PAK5: variants seen among roughly 807,000 people sequenced by gnomAD.
The protein encoded by PAK5 is p21 (RAC1) activated kinase 5, also known as serine/threonine-protein kinase PAK 5.
PAK5 carries 16 observed loss-of-function variants against 65.9 expected under a neutral mutation model. The observed-to-expected ratio is 0.24, with a 90% CI of 0.16 to 0.37. The LOEUF is 0.37. Among genes scored for constraint, PAK5 ranks in the 10% least tolerant of loss-of-function variants. The pLI is 1.00. For synonymous variants in PAK5, 371 were observed against 354.9 expected (o/e 1.05, Z -0.51); for missense variants, 785 against 903.9 (o/e 0.87, Z 1.69).
chr20:9,809,090 T>C (rs926150718), intron 1 of PAK5, among the ~76,000 whole-genome samples: 1 of 152,146 alleles, frequency 6.6e-6, no homozygotes, highest in African/African-American at 2.4e-5. Flanking sequence ...ATGCTACTTC[T>C]GGAAGGGAGA....
chr20:9,740,916 G>T (rs1278675649), intron 1 of PAK5, among the ~76,000 whole-genome samples: 1 of 152,158 alleles, frequency 6.6e-6, no homozygotes, highest in African/African-American at 2.4e-5. Flanking sequence ...AAATGAAAGG[G>T]TTTAACTAGA....
Position 9,838,911 on chromosome 20 carries a change from G to T in PAK5, c.-311C>A, listed in dbSNP as rs1256222811. 1.3e-5 allele frequency: 2 copies of T among 152,274 alleles called. No individual in the cohort carries two copies. The allele number at this position is 152,274 out of a possible 1,614,324, so 9.4% of individuals were successfully genotyped here. A position where few individuals can be genotyped will look rare whatever the true frequency, so the allele number is the denominator to read the frequency against. The stretch of plus-strand genomic sequence containing the variant: ...GCAAGGGGGGCGGGGGCCAGCGGGA[G>T]GGGGTGAGAGGCAGAGCCACAGCTT... On this transcript the variant is annotated 5_prime_UTR_variant, in exon 1 of 10. Coordinates refer to ENST00000353224, the MANE Select transcript of PAK5 (RefSeq NM_177990.4). The surrounding 1 kb of genome is among the most constrained non-coding windows in gnomAD (Gnocchi z 4.5).
At position 9,771,582 on chromosome 20, in the gene PAK5, A is replaced by ATTTTTTTTTTT. The variant is rs545140358; in HGVS notation, c.-161-60158_-161-60148dup. On this transcript the variant is annotated intron_variant, in intron 1 of 9. Coordinates refer to ENST00000353224, the MANE Select transcript of PAK5 (RefSeq NM_177990.4). ...GCCACCACATTCAGTCAATTTTTTA[A>ATTTTTTTTTTT]TTTTTTTTTTTTTTTTTTGTAGAAA... 1.9e-3 allele frequency among the ~76,000 whole-genome samples: 204 copies of ATTTTTTTTTTT among 109,696 alleles called. 1 individual carries two copies. Among genetic ancestry groups the ATTTTTTTTTTT allele is most frequent in the East Asian group, 4.8e-3 (15 of 3,150 alleles). 72.0% of individuals were successfully genotyped at this position (109,696 alleles called of 152,430 possible). A position where few individuals can be genotyped will look rare whatever the true frequency, so the allele number is the denominator to read the frequency against.
chr20:9,782,877 G>A (rs897309205), intron 1 of PAK5, among the ~76,000 whole-genome samples: 4 of 151,876 alleles, frequency 2.6e-5, no homozygotes, highest in African/African-American at 7.3e-5. Context: ...GCTAAAGAGA[G>A]AGTAGGCATG....
In PAK5 at chr20:9,642,580, C is replaced by CAG. The variant is rs569784543; in HGVS notation, c.204+1543_204+1544dup. Among the ~76,000 whole-genome samples the CAG allele has an allele frequency of 2.6e-5, 4 of 152,118 alleles. No individual in the cohort carries two copies. In the South Asian group the frequency reaches 8.3e-4, roughly 31 times the overall value. On this transcript the variant is annotated intron_variant, in intron 3 of 9. Transcript: ENST00000353224. ...AAGAAAAATAATGAAACTAAACAAGCAGATTTTTTTCTAATCCCAACTTTT... is the reference window on the plus strand; with the variant it reads ...AAGAAAAATAATGAAACTAAACAAGCAGAGATTTTTTTCTAATCCCAACTTTT...
intron 8 of PAK5, 21 bp downstream of exon 8, chr20:9,544,348 C>T (rs2045311489): frequency 6.2e-7 from 1 of 1,612,438 alleles, no homozygotes. Flanking sequence ...CCTGCCACGC[C>T]TATGACTGTG....
intron 2 of PAK5, among the ~76,000 whole-genome samples, chr20:9,694,638 A>C (rs1269440767): frequency 6.6e-6 from 1 of 152,036 alleles, no homozygotes; most frequent in Admixed American, 6.6e-5. Context: ...TTTGGACTTA[A>C]TATGAATAGA....
At chr20:9,665,658 T>TTTCC in intron 2 of PAK5, among the ~76,000 whole-genome samples, 1 of 141,132 alleles carries the variant, frequency 7.1e-6, no homozygotes. Flanking sequence ...ATTTCTTTTC[T>TTTCC]TTTCTTTTTT....
chr20:9,691,727 A>C (rs2047800408), intron 2 of PAK5, among the ~76,000 whole-genome samples: 1 of 152,186 alleles, frequency 6.6e-6, no homozygotes, highest in African/African-American at 2.4e-5. Context: ...ACTCCAATAA[A>C]AGTCCCTCTT....
intron 1 of PAK5, among the ~76,000 whole-genome samples, chr20:9,835,129 T>C (rs1417882016): frequency 6.6e-6 from 1 of 152,228 alleles, no homozygotes; most frequent in African/African-American, 2.4e-5. Context: ...GATCTTGAAG[T>C]TGGCACAGGA....
intron 2 of PAK5, among the ~76,000 whole-genome samples, chr20:9,669,156 A>C (rs544806941): frequency 2.0e-5 from 3 of 152,164 alleles, no homozygotes; most frequent in Non-Finnish European, 4.4e-5. Context: ...CACACAGCAA[A>C]TATTCAAACA....
At chr20:9,655,460 A>T (rs554027987) in intron 2 of PAK5, among the ~76,000 whole-genome samples, 1 of 152,092 alleles carries the variant, frequency 6.6e-6, no homozygotes, top group African/African-American at 2.4e-5. Context: ...TTAAAAAAAA[A>T]TAAAAAAGCA....
chr20:9,647,012 T>C (rs577200391), intron 2 of PAK5, among the ~76,000 whole-genome samples: 1 of 152,376 alleles, frequency 6.6e-6, no homozygotes, highest in South Asian at 2.1e-4. Flanking sequence ...GTTTTTTTGC[T>C]TTAAACCATG....
At chr20:9,773,916 A>C (rs2048860312) in intron 1 of PAK5, among the ~76,000 whole-genome samples, 1 of 152,206 alleles carries the variant, frequency 6.6e-6, no homozygotes, top group Non-Finnish European at 1.5e-5. Context: ...CATGCTTTGC[A>C]GTAACTGTTC....
intron 3 of PAK5, among the ~76,000 whole-genome samples, chr20:9,626,785 T>C (rs934884357): frequency 2.0e-5 from 3 of 152,140 alleles, no homozygotes; most frequent in African/African-American, 7.2e-5. Context: ...TTTTATTTAT[T>C]TTTTTTTCTA....
At chr20:9,782,552 A>G (rs1271038210) in intron 1 of PAK5, among the ~76,000 whole-genome samples, 1 of 152,188 alleles carries the variant, frequency 6.6e-6, no homozygotes, top group African/African-American at 2.4e-5. Context: ...GGCAGTGTTT[A>G]TCTGGGAGTA....
chr20:9,741,984 C>T (rs1233115883), intron 1 of PAK5, among the ~76,000 whole-genome samples: 2 of 152,092 alleles, frequency 1.3e-5, no homozygotes, highest in African/African-American at 4.8e-5. Flanking sequence ...TACTTTAAAC[C>T]CTACCTTAGA....
chr20:9,644,076 A>G, intron 3 of PAK5, 49 bp downstream of exon 3: 7 of 1,428,916 alleles, frequency 4.9e-6, no homozygotes, highest in Non-Finnish European at 6.9e-6. Context: ...AGTGCATTAA[A>G]TAAGAGCATG....
rs140739060 is a variant in PAK5, at chr20:9,566,136, C to A, written c.1239G>T (p.Pro413=). 14 of 1,613,532 alleles carry A rather than the reference C, an allele frequency of 8.7e-6. No homozygotes were observed. The African/African-American group carries it at 1.7e-4, about 20-fold the overall frequency. ...GGTCGGAGGAGGAGCCCCAGCTGGG[C>A]GGCGGGTAGGTGCTGGATGAGAGGC... is the stretch of plus-strand genomic sequence containing the variant. ...SLSLSSSTYP[P]PSWGSSSDQQ... is the part of the protein sequence containing the mutation. The change falls in exon 5 of 10, where the codon CCG becomes CCT. Residue 413 remains proline, a synonymous_variant. Coordinates refer to ENST00000353224, the MANE Select transcript of PAK5 (RefSeq NM_177990.4).
Sources: allele counts gnomAD v4.1 joint callset (sites outside exome capture counted in the v4.1 genomes callset), GRCh38; gene constraint gnomAD v4.1.1; non-coding constraint Gnocchi (gnomAD v3.1); transcripts MANE v1.5; gene names NCBI Gene and HGNC (gene_info 2026-07-23, HGNC 2026-07-21).